ABCA12: variants seen among roughly 807,000 people sequenced by gnomAD.
ABCA12 encodes the protein ATP binding cassette subfamily A member 12.
A neutral mutation model predicts 293.5 loss-of-function variants in ABCA12; 156 were observed. The ratio of observed to expected loss-of-function variants is 0.53; its 90% CI spans 0.47 to 0.61. The LOEUF is 0.61. Among genes scored for constraint, ABCA12 ranks in the 20% least tolerant of loss-of-function variants. The probability of loss-of-function intolerance (pLI) is 0.00; values close to 1 mark genes in which losing one functional copy is unlikely to be tolerated. For synonymous variants in ABCA12, 1,063 were observed against 1,108.0 expected, an observed-to-expected ratio of 0.96 and a Z score of 0.81; for missense variants, 2,797 against 3,090.2, an observed-to-expected ratio of 0.91 and a Z score of 2.25.
intron 2 of ABCA12, among the ~76,000 whole-genome samples, chr2:215,069,634 C>T (rs1701699486): frequency 6.6e-6 from 1 of 152,048 alleles, no homozygotes. Context: ...TTCGCATGCA[C>T]CTTTCATTTG....
intron 45 of ABCA12, among the ~76,000 whole-genome samples, chr2:214,949,721 C>G (rs75776166): frequency 6.6e-6 from 1 of 152,090 alleles, no homozygotes; most frequent in Non-Finnish European, 1.5e-5. Context: ...TAGGACCTCA[C>G]TTCTGAAAAC....
At chr2:215,094,479 G>T (rs1357322831) in intron 2 of ABCA12, among the ~76,000 whole-genome samples, 1 of 152,110 alleles carries the variant, frequency 6.6e-6, no homozygotes, top group East Asian at 1.9e-4. Flanking sequence ...AAGGCAAATG[G>T]TTCTTAGACT....
chr2:214,948,988 T>TG, intron 46 of ABCA12, 52 bp downstream of exon 46: 1 of 1,452,658 alleles, frequency 6.9e-7, no homozygotes, highest in East Asian at 2.3e-5. Flanking sequence ...TCAATTATTT[T>TG]TCTCATTTAA....
intron 6 of ABCA12, among the ~76,000 whole-genome samples, chr2:215,049,059 G>T (rs1463645124): frequency 5.9e-5 from 9 of 152,212 alleles, no homozygotes; most frequent in African/African-American, 2.2e-4. Flanking sequence ...TGAGTACTAG[G>T]CTTAGTACCT....
intron 23 of ABCA12, 90 bp downstream of exon 23, chr2:214,997,605 C>G: frequency 1.0e-6 from 1 of 989,010 alleles, no homozygotes; most frequent in Non-Finnish European, 1.5e-6. Context: ...ATAAGTTAGG[C>G]TTTCTGAAGT....
intron 8 of ABCA12, among the ~76,000 whole-genome samples, chr2:215,036,466 G>GT: frequency 6.6e-6 from 1 of 152,292 alleles, no homozygotes; most frequent in Admixed American, 6.5e-5. Context: ...GTATGTGTCT[G>GT]TGTGTATGTA....
Position 214,932,485 on chromosome 2 carries a change from ATTACT to A in ABCA12, c.*144_*148del. 1.4e-6 allele frequency: 1 copy of A among 697,440 alleles called. No individual in the cohort carries two copies. Among genetic ancestry groups the A allele is most frequent in the East Asian group, 2.7e-5 (1 of 36,426 alleles). The allele number at this position is 697,440 out of a possible 1,614,324, so 43.2% of individuals were successfully genotyped here. A position where few individuals can be genotyped will look rare whatever the true frequency, so the allele number is the denominator to read the frequency against. On this transcript the variant is annotated 3_prime_UTR_variant, in exon 53 of 53. Coordinates refer to ENST00000272895, the MANE Select transcript of ABCA12 (RefSeq NM_173076.3). Reference sequence around the variant, plus strand: ...TTAGAAGGAAAAATTTCCTTTTATAATTACTTGTTAGTCTAACACAGTTGTAACTT... The same window carrying A: ...TTAGAAGGAAAAATTTCCTTTTATAATGTTAGTCTAACACAGTTGTAACTT...
chr2:214,991,509 A>T (rs1040200605), intron 23 of ABCA12, among the ~76,000 whole-genome samples: 5 of 152,178 alleles, frequency 3.3e-5, no homozygotes, highest in African/African-American at 1.2e-4. Context: ...ACTAATGAAC[A>T]ACACAATCAG....
In ABCA12 at chr2:215,019,713, A is replaced by G. The variant is rs750549707; in HGVS notation, c.1371T>C (p.Asp457=). Residue 457 remains aspartate, a synonymous_variant, in exon 12 of 53, where the codon GAT becomes GAC. Coordinates refer to ENST00000272895, the MANE Select transcript of ABCA12 (RefSeq NM_173076.3). ...CTTCACACAGGCTCCCAAAGCTCAT[A>G]TCAGAGAGCTGGCATGACTTCTCTA... ...SLIEKSCQLS[D]MSFGSLCEES... 10 of 1,614,172 alleles carry G rather than the reference A, an allele frequency of 6.2e-6. No individual in the cohort carries two copies. Among genetic ancestry groups the G allele is most frequent in the Non-Finnish European group, 8.5e-6 (10 of 1,180,012 alleles).
chr2:215,000,867 C>T lies in ABCA12; in HGVS notation c.3017G>A (p.Gly1006Glu), dbSNP rs1027908871. The change falls in exon 22 of 53, where the codon GGG becomes GAG. Residue 1006 changes from glycine to glutamate, a missense_variant. By Grantham distance (98) the Gly-to-Glu change is moderately conservative. This residue lies in a region of ABCA12 where 2,130 missense variants were observed against 2,427.0 expected (regional missense o/e 0.88). Transcript: ENST00000272895. ...GTTGTGTGATGGAGAATTGTGTGGC[C>T]CTGGAGCCCAAATCTTGGTTCTTAG... is the stretch of plus-strand genomic sequence containing the variant. Reference protein sequence around the residue: ...RSLRTKIWAPGPHNSPSHNQI... With the variant: ...RSLRTKIWAPEPHNSPSHNQI... 13 of 1,613,910 alleles carry T rather than the reference C, an allele frequency of 8.1e-6. No individual in the cohort carries two copies. The East Asian group carries it at 1.8e-4, about 22-fold the overall frequency.
chr2:215,056,619 G>A (rs1433881540), intron 3 of ABCA12, among the ~76,000 whole-genome samples: 6 of 152,020 alleles, frequency 3.9e-5, no homozygotes, highest in Non-Finnish European at 5.9e-5. Context: ...AAGGTGTGGT[G>A]TGACAGCACG....
At chr2:215,120,380 A>G (rs1321733053) in intron 1 of ABCA12, among the ~76,000 whole-genome samples, 3 of 152,170 alleles carry the variant, frequency 2.0e-5, no homozygotes, top group Admixed American at 1.3e-4. Flanking sequence ...TATACTTCCC[A>G]TATCTAAAAT....
chr2:215,124,350 T>G (rs1702875696), intron 1 of ABCA12, among the ~76,000 whole-genome samples: 1 of 152,234 alleles, frequency 6.6e-6, no homozygotes, highest in Non-Finnish European at 1.5e-5. Context: ...CTGGATCAAA[T>G]TGTAGTTCTA....
intron 24 of ABCA12, among the ~76,000 whole-genome samples, chr2:214,990,227 C>G (rs1699882507): frequency 6.6e-6 from 1 of 152,040 alleles, no homozygotes. Flanking sequence ...AATTAAAATT[C>G]TTAATTTAGT....
chr2:214,950,938 G>C lies in ABCA12; in HGVS notation c.6793C>G (p.Leu2265Val). 7 of 1,614,180 alleles carry C rather than the reference G, an allele frequency of 4.3e-6. No individual in the cohort carries two copies. The highest frequency in any genetic ancestry group is 5.9e-6 in the Non-Finnish European group (7 of 1,180,036). Residue 2265 changes from leucine to valine, a missense_variant, in exon 45 of 53, where the codon CTT (leucine) becomes GTT (valine). Coordinates refer to ENST00000272895, the MANE Select transcript of ABCA12 (RefSeq NM_173076.3). Reference sequence around the variant, plus strand: ...ACAGCTATAATCTTTTTGTGGATAAGTTGGTAGGTCTTTGTGAGACAATAA... The same window carrying C: ...ACAGCTATAATCTTTTTGTGGATAACTTGGTAGGTCTTTGTGAGACAATAA... ...QLYCLTKTYQ[L>V]IHKKIIAVNN...
intron 1 of ABCA12, among the ~76,000 whole-genome samples, chr2:215,114,498 C>T (rs73074500): frequency 0.013 from 1,979 of 152,182 alleles, 51 homozygotes; most frequent in African/African-American, 0.046. Context: ...AGTCATATAT[C>T]CAATTGTGAG....
chr2:214,989,437 A>C lies in ABCA12; in HGVS notation c.3721T>G (p.Ser1241Ala), dbSNP rs776354159. 22 of 1,613,390 alleles carry C rather than the reference A, an allele frequency of 1.4e-5. No homozygotes were observed. Among genetic ancestry groups the C allele is most frequent in the Non-Finnish European group, 1.9e-5 (22 of 1,179,894 alleles). The change falls in exon 26 of 53, where the codon TCC becomes GCC. Residue 1241 changes from serine (S) to alanine (A), a missense_variant. Coordinates refer to ENST00000272895, the MANE Select transcript of ABCA12 (RefSeq NM_173076.3). Reference protein sequence around the residue: ...IGLQWENMYTSPVQDDTTSFG... With the variant: ...IGLQWENMYTAPVQDDTTSFG... ...GAGGTGGTGTCATCCTGAACCGGGGAGGTGTACATATTTTCCCACTGAAGA... is the reference window on the plus strand; with the variant it reads ...GAGGTGGTGTCATCCTGAACCGGGGCGGTGTACATATTTTCCCACTGAAGA...
chr2:214,947,796 C>G (rs1054027097), intron 47 of ABCA12: 5 of 514,320 alleles, frequency 9.7e-6, no homozygotes, highest in African/African-American at 9.6e-5. Flanking sequence ...CCTCCCCCAC[C>G]AAACGTGTGT....
At chr2:215,045,749 C>A in intron 7 of ABCA12, 88 bp downstream of exon 7, 1 of 1,208,164 alleles carries the variant, frequency 8.3e-7, no homozygotes, top group East Asian at 2.4e-5. Context: ...TTTAAATAAC[C>A]CAGATAACAG....
Sources: gnomAD v4.1 joint callset for allele counts (sites outside exome capture counted in the v4.1 genomes callset) on GRCh38, gnomAD v4.1.1 for gene constraint, gnomAD v4.1.1 regional missense constraint, MANE v1.5 for transcripts, NCBI Gene and HGNC (gene_info 2026-07-23, HGNC 2026-07-21) for gene names.